FH: variants seen among roughly 807,000 people sequenced by gnomAD.
FH encodes the protein fumarate hydratase, also known as fumarate hydratase, mitochondrial.
FH carries 22 observed loss-of-function variants against 49.4 expected under a neutral mutation model. The ratio of observed to expected loss-of-function variants is 0.45; its 90% CI spans 0.32 to 0.64. FH has a LOEUF of 0.64. FH is among the 30% of genes least tolerant of loss of function. The pLI, the probability that FH is intolerant of heterozygous loss-of-function variation, is 0.05. For synonymous variants in FH, 208 were observed against 223.0 expected (o/e 0.93, Z 0.60); for missense variants, 526 against 641.5 (o/e 0.82, Z 1.95).
At chr1:241,518,645 C>T (rs1199355733) in intron 1 of FH, among the ~76,000 whole-genome samples, 1 of 152,206 alleles carries the variant, frequency 6.6e-6, no homozygotes, top group Non-Finnish European at 1.5e-5. Flanking sequence ...GTAAGTATTT[C>T]AACTTTGCAT....
At chr1:241,512,796 T>A (rs1370583207) in intron 3 of FH, among the ~76,000 whole-genome samples, 1 of 152,144 alleles carries the variant, frequency 6.6e-6, no homozygotes, top group East Asian at 1.9e-4. Flanking sequence ...AATATGTGAT[T>A]AGTGTAGAAA....
chr1:241,506,201 G>GC, intron 5 of FH, 33 bp from the exon 6 acceptor site: 2 of 1,522,702 alleles, frequency 1.3e-6, no homozygotes, highest in Non-Finnish European at 1.8e-6. Context: ...GTAAGAATAA[G>GC]TAATTCCTAA....
Position 241,497,775 on chromosome 1 carries a change from GTC to G in FH, c.*51_*52del. On this transcript the variant is annotated 3_prime_UTR_variant, in exon 10 of 10. Coordinates refer to ENST00000366560, the MANE Select transcript of FH (RefSeq NM_000143.4). Reference sequence around the variant, plus strand: ...ACTTATCCGTTTTTAAGAAATGGGAGTCTGTTTTTTTAAATTTTATACATGTT... The same window carrying G: ...ACTTATCCGTTTTTAAGAAATGGGAGTGTTTTTTTAAATTTTATACATGTT... 6.8e-7 allele frequency: 1 copy of G among 1,475,230 alleles called. No homozygotes were observed. Among genetic ancestry groups the G allele is most frequent in the South Asian group, 1.2e-5 (1 of 80,268 alleles). The allele number at this position is 1,475,230 out of a possible 1,614,324, so 91.4% of individuals were successfully genotyped here.
At chr1:241,517,156 C>T (rs201897325) in intron 2 of FH, 26 bp downstream of exon 2, 1 of 1,613,904 alleles carries the variant, frequency 6.2e-7, no homozygotes, top group East Asian at 2.2e-5. Flanking sequence ...TCCAAAATAG[C>T]CAACATTTCC....
intron 7 of FH, 115 bp from the exon 8 acceptor site, chr1:241,502,685 C>G (rs1482812867): frequency 4.0e-6 from 5 of 1,248,604 alleles, no homozygotes; most frequent in East Asian, 5.0e-5. Context: ...CAAGGCCCAA[C>G]CATCAGTGTA....
In FH at chr1:241,516,941, G is replaced by A. The variant is rs111470473; in HGVS notation, c.267+241C>T. Among the ~76,000 whole-genome samples the A allele has an allele frequency of 2.7e-3, 407 of 152,238 alleles. 3 individuals are homozygous for A. The highest frequency in any genetic ancestry group is 9.3e-3 in the African/African-American group (385 of 41,542). Reference sequence around the variant, plus strand: ...TCTGGGATTACAGGCATAAGCCACCGTGCCCGGCCTTAAATTTTAAAAAAT... The same window carrying A: ...TCTGGGATTACAGGCATAAGCCACCATGCCCGGCCTTAAATTTTAAAAAAT... On this transcript the variant is annotated intron_variant, in intron 2 of 9. Coordinates refer to ENST00000366560, the MANE Select transcript of FH (RefSeq NM_000143.4).
chr1:241,502,322 C>A, intron 8 of FH, 121 bp downstream of exon 8: 1 of 1,092,072 alleles, frequency 9.2e-7, no homozygotes. Context: ...TGCTTGACTT[C>A]CAACTGCTAC....
Position 241,497,845 on chromosome 1 carries a change from T to G in FH, c.1516A>C (p.Met506Leu). 1 of 1,610,564 alleles carries G rather than the reference T, an allele frequency of 6.2e-7. No homozygotes were observed. Residue 506 changes from methionine (M) to leucine (L), a missense_variant, in exon 10 of 10, where the codon ATG becomes CTG. Transcript: ENST00000366560. ...QFDEWVKPKD[M>L]LGPK Reference sequence around the variant, plus strand: ...TATGTAAATCACTTTGGACCCAGCATGTCCTTAGGTTTTACCCATTCGTCA... The same window carrying G: ...TATGTAAATCACTTTGGACCCAGCAGGTCCTTAGGTTTTACCCATTCGTCA...
rs1463008959 is a variant in FH at position 241,519,680 on chromosome 1, C to A, written c.43G>T (p.Val15Leu). ...GCTAAGGCTGCGGCTGGAGCCCGCA[C>A]GAGGGGACGCGAGCGCGCGAGGAGC... ...LRLLARSRPLVRAPAAALASA... is the reference protein window; with the variant it reads ...LRLLARSRPLLRAPAAALASA... The change falls in exon 1 of 10, where the codon GTG (valine) becomes TTG (leucine). Residue 15 changes from valine (V) to leucine (L), a missense_variant. By Grantham distance (32) the Val-to-Leu change is conservative. Around this residue, in one of 2 missense-constraint regions of FH, gnomAD observed 143 missense variants for 127.5 expected, o/e 1.12. Transcript: ENST00000366560. 7.1e-6 allele frequency: 11 copies of A among 1,547,074 alleles called. No homozygotes were observed. Among genetic ancestry groups the A allele is most frequent in the Middle Eastern group, 2.3e-4 (1 of 4,414 alleles).
In FH at chr1:241,501,298, T is replaced by C. The variant is rs1659773946; in HGVS notation, c.1237-708A>G. Among the ~76,000 whole-genome samples, 4 of 152,216 alleles carry C rather than the reference T, an allele frequency of 2.6e-5. No homozygotes were observed. The South Asian group carries it at 8.3e-4, about 32-fold the overall frequency. On this transcript the variant is annotated intron_variant, in intron 8 of 9. Coordinates refer to ENST00000366560, the MANE Select transcript of FH (RefSeq NM_000143.4). ...ACAATGGACTCTAAGACATATAATC[T>C]AAGTTTTAATTTGCTACTAATGACC...
intron 3 of FH, among the ~76,000 whole-genome samples, chr1:241,513,316 G>A (rs1660136784): frequency 6.6e-6 from 1 of 151,984 alleles, no homozygotes; most frequent in East Asian, 1.9e-4. Context: ...AAAAAATCAA[G>A]TAAAGTTCAA....
chr1:241,507,987 A>T (rs1337709857), intron 5 of FH, among the ~76,000 whole-genome samples: 1 of 152,228 alleles, frequency 6.6e-6, no homozygotes, highest in Non-Finnish European at 1.5e-5. Context: ...AAAAAGAAAC[A>T]TGAAAATACT....
rs201878591 is a variant in FH, at chr1:241,517,232, C to T, written c.217G>A (p.Val73Met). ...PNDKYYGAQT[V>M]RSTMNFKIGG... is the part of the protein sequence containing the mutation. Reference sequence around the variant, plus strand: ...ATCTTAAAGTTCATCGTAGATCTCACGGTCTGGGCGCCATAATACTTATCA... The same window carrying T: ...ATCTTAAAGTTCATCGTAGATCTCATGGTCTGGGCGCCATAATACTTATCA... The change falls in exon 2 of 10, where the codon GTG becomes ATG. Residue 73 changes from valine (V) to methionine (M), a missense_variant. By Grantham distance (21) the Val-to-Met change is conservative. Transcript: ENST00000366560. 1.6e-4 allele frequency: 257 copies of T among 1,614,132 alleles called. No homozygotes were observed. The highest frequency in any genetic ancestry group is 2.0e-4 in the Non-Finnish European group (239 of 1,180,024).
chr1:241,507,026 T>G (rs1396203719), intron 5 of FH, among the ~76,000 whole-genome samples: 7 of 152,142 alleles, frequency 4.6e-5, no homozygotes, highest in African/African-American at 1.7e-4. Context: ...TCAAAAGATA[T>G]AACTCATTAT....
intron 5 of FH, among the ~76,000 whole-genome samples, chr1:241,507,320 T>C (rs573079117): frequency 2.0e-5 from 3 of 152,290 alleles, no homozygotes; most frequent in Non-Finnish European, 4.4e-5. Context: ...CTATACCATC[T>C]AGGTTTGTGT....
intron 4 of FH, among the ~76,000 whole-genome samples, chr1:241,509,848 T>C (rs1410092973): frequency 6.6e-6 from 1 of 151,284 alleles, no homozygotes; most frequent in Non-Finnish European, 1.5e-5. Context: ...CAGATATATA[T>C]AAAAGTATAC....
intron 9 of FH, among the ~76,000 whole-genome samples, chr1:241,498,694 CATATAT>C (rs56361117): frequency 0.01 from 546 of 53,062 alleles, 5 homozygotes; most frequent in Middle Eastern, 0.02. Flanking sequence ...GCTGTCTTAA[CATATAT>C]ATATATATAT....
chr1:241,516,753 A>G (rs1466453558), intron 2 of FH, among the ~76,000 whole-genome samples: 2 of 152,086 alleles, frequency 1.3e-5, no homozygotes, highest in Non-Finnish European at 2.9e-5. Context: ...CCCGGGTTCA[A>G]GCAATTCTCC....
chr1:241,516,511 G>A (rs1184540450), intron 2 of FH, among the ~76,000 whole-genome samples: 1 of 152,150 alleles, frequency 6.6e-6, no homozygotes, highest in Non-Finnish European at 1.5e-5. Flanking sequence ...TGTGGGCGGA[G>A]GGGGAGCAGC....
Sources: allele counts gnomAD v4.1 joint callset (sites outside exome capture counted in the v4.1 genomes callset), GRCh38; gene constraint gnomAD v4.1.1; regional missense constraint gnomAD v4.1.1; transcripts MANE v1.5; gene names NCBI Gene and HGNC (gene_info 2026-07-23, HGNC 2026-07-21).